The following PCP4 variants were observed in gnomAD, a reference collection of about 807,000 sequenced individuals.
PCP4 encodes the protein calmodulin regulator protein PCP4.
In PCP4, 8 loss-of-function variants were observed where a neutral mutation model predicts 10.0. The ratio of observed to expected loss-of-function variants is 0.80; its 90% CI spans 0.47 to 1.45. The LOEUF (loss-of-function observed/expected upper bound fraction) is 1.45. PCP4 is among the 40% of genes most tolerant of loss of function. The probability of loss-of-function intolerance (pLI) is 0.00; values close to 1 mark genes in which losing one functional copy is unlikely to be tolerated. For synonymous variants in PCP4, 21 were observed against 23.0 expected (o/e 0.91, Z 0.24); for missense variants, 54 against 74.4 (o/e 0.73, Z 1.01).
At chr21:39,869,758 C>T (rs1463937332) in intron 1 of PCP4, among the ~76,000 whole-genome samples, 1 of 152,210 alleles carries the variant, frequency 6.6e-6, no homozygotes, top group African/African-American at 2.4e-5. Context: ...GAACTCGATT[C>T]CCCCTTCATG....
chr21:39,880,868 A>C (rs1032473664), intron 1 of PCP4, among the ~76,000 whole-genome samples: 5 of 152,304 alleles, frequency 3.3e-5, no homozygotes, highest in African/African-American at 1.2e-4. Flanking sequence ...ACAATGTTTA[A>C]ATTGGAATTG....
chr21:39,889,503 G>A (rs539805316), intron 1 of PCP4, among the ~76,000 whole-genome samples: 22 of 132,728 alleles, frequency 1.7e-4, no homozygotes, highest in Non-Finnish European at 2.9e-4. Flanking sequence ...TGCAAGCTCC[G>A]CCTCCCGGGT....
At chr21:39,880,134 C>CTA (rs896349569) in intron 1 of PCP4, among the ~76,000 whole-genome samples, 13 of 64,012 alleles carry the variant, frequency 2.0e-4, no homozygotes, top group African/African-American at 1.1e-3. Context: ...ATATCTGTAT[C>CTA]TATATCTATA....
At chr21:39,905,844 C>T (rs371016195) in intron 2 of PCP4, among the ~76,000 whole-genome samples, 31 of 152,148 alleles carry the variant, frequency 2.0e-4, no homozygotes, top group African/African-American at 4.3e-4. Flanking sequence ...GTCAGGAGAT[C>T]GAGACCATCC....
At chr21:39,922,476 T>A (rs1217217618) in intron 2 of PCP4, among the ~76,000 whole-genome samples, 1 of 152,208 alleles carries the variant, frequency 6.6e-6, no homozygotes, top group Non-Finnish European at 1.5e-5. Context: ...TAGTGCAAAG[T>A]TTAAACTTGA....
At chr21:39,898,033 C>A (rs1197612366) in intron 1 of PCP4, among the ~76,000 whole-genome samples, 2 of 115,518 alleles carry the variant, frequency 1.7e-5, no homozygotes, top group Admixed American at 1.2e-4. Context: ...ATGACAGAGC[C>A]AGACTCAGTC....
chr21:39,889,600 T>G (rs2087419501), intron 1 of PCP4, among the ~76,000 whole-genome samples: 1 of 151,008 alleles, frequency 6.6e-6, no homozygotes. Context: ...GTATTTTTAG[T>G]AGAGATGGGG....
chr21:39,881,919 C>T (rs1392247457), intron 1 of PCP4, among the ~76,000 whole-genome samples: 1 of 152,216 alleles, frequency 6.6e-6, no homozygotes, highest in Non-Finnish European at 1.5e-5. Context: ...CCCTGACCCC[C>T]TCACATAGCT....
chr21:39,926,777 C>T (rs1325771414), intron 2 of PCP4, among the ~76,000 whole-genome samples: 1 of 152,212 alleles, frequency 6.6e-6, no homozygotes, highest in Admixed American at 6.5e-5. Context: ...ACTTGAGCCA[C>T]AGGAAACTTT....
At chr21:39,900,542 C>T (rs1439593633) in intron 2 of PCP4, among the ~76,000 whole-genome samples, 3 of 152,034 alleles carry the variant, frequency 2.0e-5, no homozygotes, top group African/African-American at 4.8e-5. Flanking sequence ...AGTCCAGTGG[C>T]GGTGGGCTGG....
At chr21:39,914,573 CA>C (rs55775259) in intron 2 of PCP4, among the ~76,000 whole-genome samples, 11 of 118,930 alleles carry the variant, frequency 9.2e-5, no homozygotes, top group African/African-American at 1.3e-4. Context: ...AGAGCTGTCT[CA>C]AAAAAAAAAA....
At chr21:39,910,160 A>C (rs2087532567) in intron 2 of PCP4, among the ~76,000 whole-genome samples, 1 of 152,198 alleles carries the variant, frequency 6.6e-6, no homozygotes, top group Non-Finnish European at 1.5e-5. Flanking sequence ...GCGTTCATTT[A>C]GACAGCAAAG....
intron 1 of PCP4, among the ~76,000 whole-genome samples, chr21:39,880,993 A>AT (rs563238672): frequency 1.8e-4 from 28 of 152,220 alleles, no homozygotes; most frequent in Non-Finnish European, 3.5e-4. Flanking sequence ...GGTTGTTCGT[A>AT]TTGGTGGTCG....
At chr21:39,875,372 G>T (rs1272980531) in intron 1 of PCP4, among the ~76,000 whole-genome samples, 1 of 152,124 alleles carries the variant, frequency 6.6e-6, no homozygotes, top group African/African-American at 2.4e-5. Context: ...TCTCTGAGGG[G>T]TGACAGCATA....
intron 2 of PCP4, among the ~76,000 whole-genome samples, chr21:39,909,216 TGAC>T (rs948824141): frequency 2.6e-5 from 4 of 152,230 alleles, no homozygotes; most frequent in African/African-American, 9.6e-5. Flanking sequence ...GTTATTATAA[TGAC>T]AATTTCTCAT....
chr21:39,909,602 C>G (rs577723404), intron 2 of PCP4, among the ~76,000 whole-genome samples: 1 of 151,598 alleles, frequency 6.6e-6, no homozygotes, highest in Non-Finnish European at 1.5e-5. Flanking sequence ...AGTGGAAATA[C>G]GTATTGATTG....
At chr21:39,893,025 G>T (rs1333023961) in intron 1 of PCP4, among the ~76,000 whole-genome samples, 1 of 152,130 alleles carries the variant, frequency 6.6e-6, no homozygotes, top group African/African-American at 2.4e-5. Flanking sequence ...TAGAAGGATG[G>T]TTACCCTCCG....
chr21:39,901,784 C>T (rs1045140786), intron 2 of PCP4, among the ~76,000 whole-genome samples: 29 of 152,072 alleles, frequency 1.9e-4, no homozygotes, highest in African/African-American at 6.8e-4. Flanking sequence ...TATTAACATG[C>T]TATACTTTAA....
At position 39,898,461 on chromosome 21, in the gene PCP4, A is replaced by G; in HGVS notation, c.10-15A>G. Reference sequence around the variant, plus strand: ...CTGATAACAATTGCTTTTTTCTTTTATTTTTTGCCTTTAGCGACAAGGTGC... The same window carrying G: ...CTGATAACAATTGCTTTTTTCTTTTGTTTTTTGCCTTTAGCGACAAGGTGC... On this transcript the variant is annotated splice_polypyrimidine_tract_variant and intron_variant, in intron 1 of 2. Coordinates refer to ENST00000328619, the MANE Select transcript of PCP4 (RefSeq NM_006198.3). 6.2e-7 allele frequency: 1 copy of G among 1,610,992 alleles called. No individual in the cohort carries two copies. Among genetic ancestry groups the G allele is most frequent in the Non-Finnish European group, 8.5e-7 (1 of 1,177,770 alleles).
Sources: allele counts gnomAD v4.1 joint callset (sites outside exome capture counted in the v4.1 genomes callset), GRCh38; gene constraint gnomAD v4.1.1; transcripts MANE v1.5; gene names NCBI Gene and HGNC (gene_info 2026-07-23, HGNC 2026-07-21).